The following SPIDR variants were observed in gnomAD, a reference collection of about 807,000 sequenced individuals.
The protein encoded by SPIDR is DNA repair-scaffolding protein.
SPIDR carries 93 observed loss-of-function variants against 104.6 expected under a neutral mutation model. The observed-to-expected ratio is 0.89, with a 90% CI of 0.75 to 1.06. The LOEUF (loss-of-function observed/expected upper bound fraction) is 1.06. Among genes scored for constraint, SPIDR ranks in the 50% least tolerant of loss-of-function variants. The pLI is 0.00. For missense variants in SPIDR, 1,154 were observed against 1,111.2 expected, an observed-to-expected ratio of 1.04 and a Z score of -0.55; for synonymous variants, 431 against 416.9, an observed-to-expected ratio of 1.03 and a Z score of -0.41.
rs184715547 is a variant in SPIDR at position 47,489,502 on chromosome 8, C to A, written c.1097+48960C>A. Among the ~76,000 whole-genome samples, 178 of 152,284 alleles carry A rather than the reference C, an allele frequency of 1.2e-3. 1 individual carries two copies. The highest frequency in any genetic ancestry group is 2.2e-3 in the Non-Finnish European group (150 of 68,020). ...TTCTTCACAGAATTGGAAAAAAATT[C>A]TTTAAAGTTCCTATGGAACCAAAAA... On this transcript the variant is annotated intron_variant, in intron 8 of 19. Coordinates refer to ENST00000297423, the MANE Select transcript of SPIDR (RefSeq NM_001080394.4).
intron 5 of SPIDR, among the ~76,000 whole-genome samples, chr8:47,394,394 CCCAGCCCAAG>C (rs1192591483): frequency 2.0e-5 from 3 of 152,168 alleles, no homozygotes; most frequent in Non-Finnish European, 4.4e-5. Context: ...CACGTGAGTC[CCCAGCCCAAG>C]CCGCCTGTGG....
chr8:47,375,534 C>T (rs1315393810), intron 5 of SPIDR, among the ~76,000 whole-genome samples: 1 of 152,068 alleles, frequency 6.6e-6, no homozygotes, highest in East Asian at 1.9e-4. Flanking sequence ...GCCACTGCGC[C>T]GGCTGTTAAT....
intron 1 of SPIDR, among the ~76,000 whole-genome samples, chr8:47,275,262 A>AAAAAAAG (rs537845850): frequency 0.029 from 4,335 of 151,992 alleles, 87 homozygotes; most frequent in Middle Eastern, 0.045. Flanking sequence ...CAGTCTCAAA[A>AAAAAAAG]AAAAAAGAAA....
intron 11 of SPIDR, among the ~76,000 whole-genome samples, chr8:47,697,041 A>G (rs146013801): frequency 2.6e-5 from 4 of 152,244 alleles, no homozygotes; most frequent in African/African-American, 9.6e-5. Context: ...TGGGGCCCTC[A>G]TGAGATGTAA....
chr8:47,429,102 T>C (rs1554687228), intron 7 of SPIDR, among the ~76,000 whole-genome samples: 1 of 152,164 alleles, frequency 6.6e-6, no homozygotes, highest in Non-Finnish European at 1.5e-5. Flanking sequence ...CTGTTAGAGG[T>C]AGGATTCCAT....
At chr8:47,479,089 A>G (rs2076593067) in intron 8 of SPIDR, among the ~76,000 whole-genome samples, 1 of 152,182 alleles carries the variant, frequency 6.6e-6, no homozygotes. Context: ...GGCGGGGTGC[A>G]GTGGCTCACG....
chr8:47,715,964 CTTTTTT>C (rs965625857), intron 16 of SPIDR, among the ~76,000 whole-genome samples: 1 of 127,096 alleles, frequency 7.9e-6, no homozygotes, highest in South Asian at 2.6e-4. Flanking sequence ...TCTCTTTTTT[CTTTTTT>C]TTTTTTTTTT....
intron 12 of SPIDR, 35 bp from the exon 13 acceptor site, chr8:47,701,686 T>C (rs1331189935): frequency 6.2e-7 from 1 of 1,601,400 alleles, no homozygotes; most frequent in South Asian, 1.1e-5. Flanking sequence ...CTTTTAACAA[T>C]ACATTCACCT....
intron 5 of SPIDR, among the ~76,000 whole-genome samples, chr8:47,322,828 T>C (rs1485984803): frequency 1.3e-5 from 2 of 151,888 alleles, no homozygotes; most frequent in Non-Finnish European, 2.9e-5. Context: ...CTCAGCAAAC[T>C]ATCAGAAGGA....
At chr8:47,322,973 G>C (rs2047002668) in intron 5 of SPIDR, among the ~76,000 whole-genome samples, 1 of 151,944 alleles carries the variant, frequency 6.6e-6, no homozygotes, top group Non-Finnish European at 1.5e-5. Context: ...AGCATTAGGA[G>C]GTATACCTAA....
chr8:47,415,257 A>C (rs1554674480), intron 7 of SPIDR, among the ~76,000 whole-genome samples: 1 of 152,162 alleles, frequency 6.6e-6, no homozygotes, highest in Non-Finnish European at 1.5e-5. Context: ...ATTGACATGC[A>C]GTTAGAAATA....
chr8:47,522,615 A>G (rs985528031), intron 8 of SPIDR, among the ~76,000 whole-genome samples: 6 of 152,144 alleles, frequency 3.9e-5, no homozygotes, highest in African/African-American at 1.4e-4. Context: ...ATGTGTTCCT[A>G]CCCAAAATCA....
At chr8:47,489,815 C>T (rs1168517675) in intron 8 of SPIDR, among the ~76,000 whole-genome samples, 2 of 152,176 alleles carry the variant, frequency 1.3e-5, no homozygotes, top group African/African-American at 4.8e-5. Flanking sequence ...AAAGCTGAAA[C>T]TGGATCCCTT....
intron 10 of SPIDR, among the ~76,000 whole-genome samples, chr8:47,602,009 C>A (rs1469716080): frequency 6.6e-6 from 1 of 152,208 alleles, no homozygotes; most frequent in African/African-American, 2.4e-5. Flanking sequence ...TTATTCACTA[C>A]TAATTCTTTG....
intron 5 of SPIDR, among the ~76,000 whole-genome samples, chr8:47,356,184 A>G (rs1563725296): frequency 6.6e-6 from 1 of 152,252 alleles, no homozygotes; most frequent in Non-Finnish European, 1.5e-5. Flanking sequence ...AGCGTAATAG[A>G]TACAACTGTT....
intron 11 of SPIDR, among the ~76,000 whole-genome samples, chr8:47,688,748 G>A (rs1382390905): frequency 6.6e-6 from 1 of 152,238 alleles, no homozygotes; most frequent in Non-Finnish European, 1.5e-5. Context: ...AATGGATAGT[G>A]CTAAACTGTC....
intron 8 of SPIDR, among the ~76,000 whole-genome samples, chr8:47,510,208 C>A (rs1347256476): frequency 6.6e-6 from 1 of 151,990 alleles, no homozygotes; most frequent in Non-Finnish European, 1.5e-5. Flanking sequence ...CATTATTAAT[C>A]AAAAAAAGTT....
intron 8 of SPIDR, among the ~76,000 whole-genome samples, chr8:47,592,981 G>A (rs1249118976): frequency 6.6e-6 from 1 of 152,090 alleles, no homozygotes; most frequent in African/African-American, 2.4e-5. Context: ...CCACCTCCCA[G>A]GTTCAAGCGA....
chr8:47,665,215 A>T (rs891413903), intron 10 of SPIDR, among the ~76,000 whole-genome samples: 1 of 152,230 alleles, frequency 6.6e-6, no homozygotes, highest in African/African-American at 2.4e-5. Flanking sequence ...ATCATATATT[A>T]ATACAAGGGA....
Sources: allele counts gnomAD v4.1 joint callset (sites outside exome capture counted in the v4.1 genomes callset), GRCh38; gene constraint gnomAD v4.1.1; transcripts MANE v1.5; gene names NCBI Gene and HGNC (gene_info 2026-07-23, HGNC 2026-07-21).